The following EIF1AD variants were observed in gnomAD, a reference collection of about 807,000 sequenced individuals.
The protein encoded by EIF1AD is eukaryotic translation initiation factor 1A domain containing.
A neutral mutation model predicts 21.7 loss-of-function variants in EIF1AD; 9 were observed. The observed-to-expected ratio is 0.41, with a 90% confidence interval of 0.25 to 0.72. The LOEUF is 0.72. EIF1AD is among the 30% of genes least tolerant of loss of function. The probability of loss-of-function intolerance (pLI) is 0.29; values close to 1 mark genes in which losing one functional copy is unlikely to be tolerated. For missense variants in EIF1AD, 164 were observed against 199.7 expected (o/e 0.82, Z 1.08); for synonymous variants, 78 against 70.9 (o/e 1.10, Z -0.50).
intron 5 of EIF1AD, 62 bp from the exon 6 acceptor site, chr11:65,998,805 C>T: frequency 1.3e-6 from 2 of 1,575,600 alleles, no homozygotes; most frequent in Non-Finnish European, 1.7e-6. Context: ...TATCTACAAT[C>T]AAGGAGTTCC....
intron 2 of EIF1AD, 55 bp downstream of exon 2, chr11:66,000,248 C>T: frequency 6.2e-7 from 1 of 1,610,416 alleles, no homozygotes; most frequent in South Asian, 1.1e-5. Context: ...ACCCCAGGGG[C>T]CCTCCAGGGC....
At chr11:66,001,211 C>A (rs938344301) in intron 1 of EIF1AD, among the ~76,000 whole-genome samples, 1 of 152,106 alleles carries the variant, frequency 6.6e-6, no homozygotes, top group African/African-American at 2.4e-5. Flanking sequence ...CGGTGGCTCA[C>A]GCCTGTAATC....
In EIF1AD at chr11:66,000,089, G is replaced by A; in HGVS notation, c.160C>T (p.Pro54Ser). Residue 54 changes from proline (P) to serine (S), a missense_variant, in exon 3 of 6, where the codon CCC (proline) becomes TCC (serine). Transcript: ENST00000533544. ...AQGQRFLVSM[P>S]SKYRKNIWIK... ...CAGATGTTCTTGCGGTATTTGGAGG[G>A]CATGCTCACCAGGAAGCGCTGCCCT... 1.9e-6 allele frequency: 3 copies of A among 1,614,118 alleles called. No homozygotes were observed. The highest frequency in any genetic ancestry group is 2.5e-6 in the Non-Finnish European group (3 of 1,179,976).
chr11:65,998,901 G>C (rs1226521622), intron 5 of EIF1AD, among the ~76,000 whole-genome samples, 158 bp from the exon 6 acceptor site: 3 of 152,156 alleles, frequency 2.0e-5, no homozygotes, highest in East Asian at 1.9e-4. Context: ...GCAAACAGTG[G>C]GGAAACGTGG....
chr11:66,000,024 T>C, intron 3 of EIF1AD, 29 bp downstream of exon 3: 1 of 1,550,330 alleles, frequency 6.5e-7, no homozygotes. Context: ...CCTCTCAAAG[T>C]GCCAGGATTA....
chr11:66,001,112 T>C (rs546352751), intron 1 of EIF1AD, among the ~76,000 whole-genome samples: 25 of 152,196 alleles, frequency 1.6e-4, no homozygotes, highest in African/African-American at 4.1e-4. Context: ...TTTAATCTGG[T>C]GTCTGAGGAG....
Position 65,997,761 on chromosome 11 carries a change from T to G in EIF1AD, c.*838A>C, listed in dbSNP as rs1412521619. ...AGGGGTGTAGGGTGGACTACGGAAT[T>G]GATGCTACACAAGAGGGAAGTGAAG... On this transcript the variant is annotated 3_prime_UTR_variant, in exon 6 of 6. Transcript: ENST00000533544. 6.6e-6 allele frequency: 1 copy of G among 152,152 alleles called. No homozygotes were observed. The highest frequency in any genetic ancestry group is 1.5e-5 in the Non-Finnish European group (1 of 68,056). 9.4% of individuals were successfully genotyped at this position (152,152 alleles called of 1,614,324 possible).
At chr11:66,001,471 CAAAAAA>C (rs397944986) in intron 1 of EIF1AD, among the ~76,000 whole-genome samples, 2 of 79,458 alleles carry the variant, frequency 2.5e-5, no homozygotes, top group Non-Finnish European at 4.6e-5. Flanking sequence ...GACTCCGTCT[CAAAAAA>C]AAAAAAAAAA....
rs1242636160 is a variant in EIF1AD, at chr11:66,000,342, C to G, written c.48G>C (p.Gly16=). 1.9e-6 allele frequency: 3 copies of G among 1,613,326 alleles called. No individual in the cohort carries two copies. The highest frequency in any genetic ancestry group is 2.7e-5 in the African/African-American group (2 of 74,888). ...KRKHVVKEVL[G]EHIVPSDQQQ... ...GCTGGTCGGAGGGCACTATGTGCTC[C>G]CCTAGCACCTCCTTCACCACATGCT... Residue 16 remains glycine, a synonymous_variant, in exon 2 of 6, where the codon GGG becomes GGC. Transcript: ENST00000533544.
At position 65,998,752 on chromosome 11, in the gene EIF1AD, A is replaced by C. The variant is rs1215734952; in HGVS notation, c.354-9T>G. On this transcript the variant is annotated splice_polypyrimidine_tract_variant and intron_variant, in intron 5 of 5. Transcript: ENST00000533544. The stretch of plus-strand genomic sequence containing the variant: ...GTTCTGGTTGAGTTTGTCTGCACGA[A>C]GGGAAGAGAGCAGGGTTAGCCCAGC... The C allele has an allele frequency of 1.1e-5, 18 of 1,613,930 alleles. No homozygotes were observed. The highest frequency in any genetic ancestry group is 1.5e-5 in the Non-Finnish European group (18 of 1,179,898).
chr11:65,999,814 G>A (rs1855875140), intron 3 of EIF1AD, 139 bp from the exon 4 acceptor site: 2 of 680,648 alleles, frequency 2.9e-6, no homozygotes, highest in African/African-American at 3.6e-5. Context: ...ACAGGGTCTT[G>A]CTCTGTTGCC....
chr11:66,000,684 C>T (rs1855912687), intron 1 of EIF1AD, 179 bp from the exon 2 acceptor site: 3 of 294,462 alleles, frequency 1.0e-5, no homozygotes, highest in Non-Finnish European at 1.9e-5. Context: ...TGTTGGCCTT[C>T]TTAGTTTCTC....
rs779823158 is a variant in EIF1AD, at chr11:65,999,402, G to C, written c.306-5C>G. On this transcript the variant is annotated splice_polypyrimidine_tract_variant and splice_region_variant and intron_variant, in intron 4 of 5. Coordinates refer to ENST00000533544, the MANE Select transcript of EIF1AD (RefSeq NM_001242481.2). ...ACTTCAGAGAAGGCCTCAGGCCTAT[G>C]CCAAGAGATGAGCCAAAGTCAGAAA... 2.5e-6 allele frequency: 4 copies of C among 1,614,216 alleles called. No individual in the cohort carries two copies. In the South Asian group the frequency reaches 3.3e-5, roughly 13 times the overall value.
rs1324288180 is a variant in EIF1AD, at chr11:65,998,438, C to T, written c.*161G>A. 5.7e-6 allele frequency: 5 copies of T among 883,884 alleles called. No individual in the cohort carries two copies. The highest frequency in any genetic ancestry group is 8.2e-6 in the Non-Finnish European group (5 of 612,276). 54.8% of individuals were successfully genotyped at this position (883,884 alleles called of 1,614,324 possible). A position where few individuals can be genotyped will look rare whatever the true frequency, so the allele number is the denominator to read the frequency against. On this transcript the variant is annotated 3_prime_UTR_variant, in exon 6 of 6. Transcript: ENST00000533544. ...TCAGACACCAGAACAAGTCACCAAC[C>T]CACCAGGGGTTTAATTCTCTGAATC...
intron 1 of EIF1AD, chr11:66,000,829 T>C (rs1855919202): frequency 5.9e-6 from 1 of 168,964 alleles, no homozygotes; most frequent in African/African-American, 2.4e-5. Flanking sequence ...AAAATAATAA[T>C]AATATTATTA....
chr11:65,998,562 C>T lies in EIF1AD; in HGVS notation c.*37G>A. On this transcript the variant is annotated 3_prime_UTR_variant, in exon 6 of 6. Coordinates refer to ENST00000533544, the MANE Select transcript of EIF1AD (RefSeq NM_001242481.2). ...GTCCAAGCCCAGAAGAGCCAGGGGC[C>T]AGTCCCTGAGCAAGTGGAGAATTGG... The T allele has an allele frequency of 6.2e-7, 1 of 1,608,950 alleles. No individual in the cohort carries two copies. The highest frequency in any genetic ancestry group is 2.2e-5 in the East Asian group (1 of 44,848).
chr11:66,000,207 C>T, intron 2 of EIF1AD, 46 bp from the exon 3 acceptor site: 1 of 1,606,974 alleles, frequency 6.2e-7, no homozygotes, highest in African/African-American at 1.3e-5. Context: ...TCAGATCAAA[C>T]ACCCTCTCAG....
chr11:65,998,839 C>T lies in EIF1AD; in HGVS notation c.354-96G>A, dbSNP rs914467779. ...CCAAAAAAAGGACCATCCGGCCCAG[C>T]AGTCAGGGCCCTACAGCACCCTTTA... On this transcript the variant is annotated intron_variant, in intron 5 of 5. Coordinates refer to ENST00000533544, the MANE Select transcript of EIF1AD (RefSeq NM_001242481.2). 52 of 1,388,470 alleles carry T rather than the reference C, an allele frequency of 3.7e-5. No individual in the cohort carries two copies. The African/African-American group carries it at 5.9e-4, about 16-fold the overall frequency. 86.0% of individuals were successfully genotyped at this position (1,388,470 alleles called of 1,614,324 possible). A position where few individuals can be genotyped will look rare whatever the true frequency, so the allele number is the denominator to read the frequency against.
chr11:65,999,978 T>C, intron 3 of EIF1AD, 75 bp downstream of exon 3: 2 of 1,205,178 alleles, frequency 1.7e-6, no homozygotes. Context: ...CTCATTATGC[T>C]GCCCAGGCTG....
Sources: gnomAD v4.1 joint callset for allele counts (sites outside exome capture counted in the v4.1 genomes callset) on GRCh38, gnomAD v4.1.1 for gene constraint, MANE v1.5 for transcripts, NCBI Gene and HGNC (gene_info 2026-07-23, HGNC 2026-07-21) for gene names.